CEP97: variants seen among roughly 807,000 people sequenced by gnomAD.
CEP97 encodes centrosomal protein 97, also known as centrosomal protein of 97 kDa.
Under a neutral mutation model 73.1 loss-of-function variants are expected in CEP97, and 43 were observed. The observed-to-expected ratio is 0.59, with a 90% confidence interval of 0.46 to 0.76. The LOEUF (loss-of-function observed/expected upper bound fraction) is 0.76, where lower values mean the gene tolerates loss of function less well. Among genes scored for constraint, CEP97 ranks in the 30% least tolerant of loss-of-function variants. The probability of loss-of-function intolerance (pLI) is 0.00; values close to 1 mark genes in which losing one functional copy is unlikely to be tolerated. For synonymous variants in CEP97, 337 were observed against 370.0 expected (o/e 0.91, Z 1.02); for missense variants, 939 against 1,014.0 (o/e 0.93, Z 1.00).
intron 6 of CEP97, among the ~76,000 whole-genome samples, chr3:101,746,815 C>T (rs75746904): frequency 0.3 from 44,769 of 147,576 alleles, 6,391 homozygotes; most frequent in Non-Finnish European, 0.33. Flanking sequence ...CTACAATGAA[C>T]TCAAACAAAT....
chr3:101,755,051 G>A (rs898548244), intron 6 of CEP97, among the ~76,000 whole-genome samples: 6 of 151,738 alleles, frequency 4.0e-5, no homozygotes, highest in African/African-American at 1.2e-4. Flanking sequence ...CACCATGCCC[G>A]GCTAGTTTTT....
In CEP97 at chr3:101,766,921, C is replaced by T. The variant is rs1289579635; in HGVS notation, c.*1370C>T. The T allele has an allele frequency of 6.6e-6, 1 of 152,104 alleles. No individual in the cohort carries two copies. Among genetic ancestry groups the T allele is most frequent in the Non-Finnish European group, 1.5e-5 (1 of 68,012 alleles). The allele number at this position is 152,104 out of a possible 1,614,324, so 9.4% of individuals were successfully genotyped here. A position where few individuals can be genotyped will look rare whatever the true frequency, so the allele number is the denominator to read the frequency against. The stretch of plus-strand genomic sequence containing the variant: ...CCTTCAAGGATAAAGTTGAGGATCA[C>T]ATGGTACGTGGCATTTGTTGTTATT... On this transcript the variant is annotated 3_prime_UTR_variant, in exon 11 of 11. Transcript: ENST00000341893.
At chr3:101,738,423 A>G (rs1938349780) in intron 6 of CEP97, among the ~76,000 whole-genome samples, 2 of 152,216 alleles carry the variant, frequency 1.3e-5, no homozygotes, top group Admixed American at 1.3e-4. Flanking sequence ...CACTTATTCT[A>G]AAATTGACCA....
chr3:101,752,295 T>C (rs1938854176), intron 6 of CEP97, among the ~76,000 whole-genome samples: 1 of 152,216 alleles, frequency 6.6e-6, no homozygotes, highest in Non-Finnish European at 1.5e-5. Flanking sequence ...CCTTTGTGGG[T>C]AACCCGACCT....
chr3:101,752,328 T>G (rs1277420960), intron 6 of CEP97, among the ~76,000 whole-genome samples: 1 of 152,174 alleles, frequency 6.6e-6, no homozygotes, highest in Non-Finnish European at 1.5e-5. Context: ...GCCCTTAACA[T>G]TTTTTCCTTC....
chr3:101,742,266 CTA>C (rs1275508020), intron 6 of CEP97, among the ~76,000 whole-genome samples: 1 of 152,094 alleles, frequency 6.6e-6, no homozygotes, highest in Non-Finnish European at 1.5e-5. Flanking sequence ...AATCATTCTA[CTA>C]TAAGGACACA....
At position 101,757,751 on chromosome 3, in the gene CEP97, T is replaced by A. The variant is rs761031817; in HGVS notation, c.1145T>A (p.Leu382Gln). ...VHTTRYSRND[L>Q]HLEDIQTDED... ...ACTACGAGATATTCTCGAAATGATC[T>A]GCACCTGGAAGACATACAGACGGAT... The change falls in exon 9 of 11, where the codon CTG becomes CAG. Residue 382 changes from leucine to glutamine, a missense_variant. Coordinates refer to ENST00000341893, the MANE Select transcript of CEP97 (RefSeq NM_024548.4). 4 of 1,614,164 alleles carry A rather than the reference T, an allele frequency of 2.5e-6. No homozygotes were observed.
intron 4 of CEP97, among the ~76,000 whole-genome samples, chr3:101,729,387 C>T (rs1033980316): frequency 1.3e-5 from 2 of 151,360 alleles, no homozygotes; most frequent in African/African-American, 4.9e-5. Context: ...AAGTTTGAAA[C>T]TTTTTGTTGT....
At chr3:101,726,775 AT>A (rs751477071) in intron 2 of CEP97, 39 bp downstream of exon 2, 13 of 1,427,218 alleles carry the variant, frequency 9.1e-6, no homozygotes, top group Non-Finnish European at 1.2e-5. Flanking sequence ...CATAGGATCA[AT>A]TTATTATTAA....
At chr3:101,739,079 A>G (rs914686005) in intron 6 of CEP97, among the ~76,000 whole-genome samples, 5 of 152,232 alleles carry the variant, frequency 3.3e-5, no homozygotes, top group Non-Finnish European at 5.9e-5. Context: ...GAAGAAATCA[A>G]TACATTTCTG....
chr3:101,764,904 A>G lies in CEP97; in HGVS notation c.1951A>G (p.Thr651Ala), dbSNP rs763419290. The G allele has an allele frequency of 6.2e-7, 1 of 1,614,056 alleles. No individual in the cohort carries two copies. Among genetic ancestry groups the G allele is most frequent in the East Asian group, 2.2e-5 (1 of 44,886 alleles). Residue 651 changes from threonine (T) to alanine (A), a missense_variant, in exon 11 of 11, where the codon ACT becomes GCT. Transcript: ENST00000341893. Reference protein sequence around the residue: ...TVDQRLSSWHTDVPPISSTLV... With the variant: ...TVDQRLSSWHADVPPISSTLV... ...GGACCAGCGTCTAAGTTCCTGGCAT[A>G]CTGATGTTCCTCCTATATCAAGTAC... is the stretch of plus-strand genomic sequence containing the variant.
intron 6 of CEP97, among the ~76,000 whole-genome samples, chr3:101,733,891 A>T (rs1367425426): frequency 6.6e-6 from 1 of 151,598 alleles, no homozygotes. Flanking sequence ...CAATGGCGCG[A>T]TCTCTGCTCA....
At chr3:101,751,700 T>C (rs1938826704) in intron 6 of CEP97, among the ~76,000 whole-genome samples, 1 of 152,180 alleles carries the variant, frequency 6.6e-6, no homozygotes, top group African/African-American at 2.4e-5. Flanking sequence ...TCTTTGTTGG[T>C]TAAAGTCTGT....
At chr3:101,740,659 G>A (rs1185533605) in intron 6 of CEP97, among the ~76,000 whole-genome samples, 4 of 151,478 alleles carry the variant, frequency 2.6e-5, no homozygotes, top group African/African-American at 9.7e-5. Flanking sequence ...GCATGATCTC[G>A]GCTCACTACA....
At position 101,765,249 on chromosome 3, in the gene CEP97, G is replaced by C; in HGVS notation, c.2296G>C (p.Glu766Gln). 6.2e-7 allele frequency: 1 copy of C among 1,614,140 alleles called. No homozygotes were observed. Among genetic ancestry groups the C allele is most frequent in the Non-Finnish European group, 8.5e-7 (1 of 1,180,032 alleles). ...GEWNKESSNNEQDNSLLEQYL... is the reference protein window; with the variant it reads ...GEWNKESSNNQQDNSLLEQYL... ...ATGGAATAAGGAAAGCTCAAATAAC[G>C]AGCAGGACAATAGTCTGCTTGAACA... Residue 766 changes from glutamate to glutamine, a missense_variant, in exon 11 of 11, where the codon GAG (glutamate) becomes CAG (glutamine). Glu to Gln is a conservative substitution (Grantham distance 29). Transcript: ENST00000341893.
chr3:101,757,351 C>G (rs1939037719), intron 8 of CEP97, among the ~76,000 whole-genome samples, 155 bp downstream of exon 8: 2 of 152,102 alleles, frequency 1.3e-5, no homozygotes, highest in South Asian at 4.1e-4. Flanking sequence ...TATAAACACA[C>G]CTATATATGT....
intron 2 of CEP97, 81 bp downstream of exon 2, chr3:101,726,817 A>T: frequency 9.4e-7 from 1 of 1,061,328 alleles, no homozygotes; most frequent in Non-Finnish European, 1.3e-6. Context: ...GACAAAAAGT[A>T]ACTGTGCAGC....
At chr3:101,757,249 G>C in intron 8 of CEP97, 53 bp downstream of exon 8, 15 of 1,557,556 alleles carry the variant, frequency 9.6e-6, no homozygotes, top group Non-Finnish European at 1.3e-5. Context: ...TTAATTTGTC[G>C]GGTATCATAA....
intron 2 of CEP97, 97 bp from the exon 3 acceptor site, chr3:101,727,286 A>T: frequency 1.1e-6 from 1 of 920,344 alleles, no homozygotes; most frequent in South Asian, 1.8e-5. Context: ...TTTGTTTGAG[A>T]GTGTTTGGCT....
Sources: allele counts gnomAD v4.1 joint callset (sites outside exome capture counted in the v4.1 genomes callset), GRCh38; gene constraint gnomAD v4.1.1; transcripts MANE v1.5; gene names NCBI Gene and HGNC (gene_info 2026-07-23, HGNC 2026-07-21).